KICS2: variants seen among roughly 807,000 people sequenced by gnomAD.
KICS2 encodes the protein KICSTOR subunit 2.
In KICS2, 13 loss-of-function variants were observed where a neutral mutation model predicts 31.4. That is an observed-to-expected ratio of 0.41 (90% CI 0.27 to 0.66). KICS2 has a LOEUF of 0.66. Among genes scored for constraint, KICS2 ranks in the 30% least tolerant of loss-of-function variants. The probability of loss-of-function intolerance (pLI) is 0.28; values close to 1 mark genes in which losing one functional copy is unlikely to be tolerated. For synonymous variants in KICS2, 209 were observed against 214.8 expected (o/e 0.97, Z 0.24); for missense variants, 455 against 545.4 (o/e 0.83, Z 1.65).
In KICS2 at chr12:64,222,039, C is replaced by T. The variant is rs775295898; in HGVS notation, c.199G>A (p.Val67Ile). 1.3e-5 allele frequency: 21 copies of T among 1,613,656 alleles called. No homozygotes were observed. In the Middle Eastern group the frequency reaches 9.9e-4, roughly 76 times the overall value. ...CCCAGGTAGGTGAGGCTGTGATAGA[C>T]CTTCTCGGCCGCGGCCAGGTGCGCC... ...ALAHLAAAEK[V>I]YHSLTYLGQK... The change falls in exon 1 of 3, where the codon GTC becomes ATC. Residue 67 changes from valine (V) to isoleucine (I), a missense_variant. Coordinates refer to ENST00000398055, the MANE Select transcript of KICS2 (RefSeq NM_152440.5).
At chr12:64,219,320 T>C (rs1250109844) in intron 1 of KICS2, among the ~76,000 whole-genome samples, 1 of 152,134 alleles carries the variant, frequency 6.6e-6, no homozygotes, top group Non-Finnish European at 1.5e-5. Context: ...CTTCTAAAAT[T>C]CTCCACAGGC....
At chr12:64,217,727 G>C (rs1288608581) in intron 1 of KICS2, among the ~76,000 whole-genome samples, 1 of 151,974 alleles carries the variant, frequency 6.6e-6, no homozygotes, top group Non-Finnish European at 1.5e-5. Context: ...CTTGAACCAG[G>C]GAGGCAGAGG....
intron 2 of KICS2, among the ~76,000 whole-genome samples, chr12:64,202,993 G>C (rs1164718836): frequency 1.3e-5 from 2 of 151,998 alleles, no homozygotes; most frequent in Non-Finnish European, 2.9e-5. Flanking sequence ...TTCCAGATGA[G>C]GTCACTTTCC....
intron 2 of KICS2, among the ~76,000 whole-genome samples, chr12:64,201,729 G>T (rs1222813167): frequency 6.6e-6 from 1 of 151,300 alleles, no homozygotes; most frequent in South Asian, 2.1e-4. Context: ...TGTAATCCCA[G>T]CTACTCTGGA....
chr12:64,208,073 G>A (rs1309519007), intron 2 of KICS2, among the ~76,000 whole-genome samples: 3 of 152,068 alleles, frequency 2.0e-5, no homozygotes, highest in African/African-American at 7.2e-5. Context: ...GCAGTGGTGC[G>A]ATCTCAGCTC....
chr12:64,214,803 C>G (rs1013354646), intron 2 of KICS2, among the ~76,000 whole-genome samples: 1 of 151,940 alleles, frequency 6.6e-6, no homozygotes, highest in African/African-American at 2.4e-5. Flanking sequence ...ATCACTTGAA[C>G]CCAGGAGATT....
At chr12:64,213,095 A>C (rs1212033047) in intron 2 of KICS2, among the ~76,000 whole-genome samples, 1 of 151,354 alleles carries the variant, frequency 6.6e-6, no homozygotes, top group Non-Finnish European at 1.5e-5. Flanking sequence ...CTCAAAAAAA[A>C]AAAAAAAAAA....
In KICS2 at chr12:64,192,521, T is replaced by C; in HGVS notation, c.*1321A>G. 1.0e-5 allele frequency: 8 copies of C among 799,836 alleles called. No individual in the cohort carries two copies. The highest frequency in any genetic ancestry group is 1.2e-5 in the Non-Finnish European group (8 of 660,774). 49.5% of individuals were successfully genotyped at this position (799,836 alleles called of 1,614,324 possible). The stretch of plus-strand genomic sequence containing the variant: ...CTGGTCTCTGCTGATGTTGCTGGCA[T>C]ACCTGCTGTGGACACCCAGTAAAAC... On this transcript the variant is annotated 3_prime_UTR_variant, in exon 3 of 3. Coordinates refer to ENST00000398055, the MANE Select transcript of KICS2 (RefSeq NM_152440.5).
intron 2 of KICS2, among the ~76,000 whole-genome samples, chr12:64,204,624 C>T (rs1455499891): frequency 1.3e-5 from 2 of 151,982 alleles, no homozygotes; most frequent in Non-Finnish European, 2.9e-5. Context: ...CCTGTCTCTA[C>T]AAAAACTTAA....
chr12:64,221,837 G>C (rs887968658), intron 1 of KICS2, 166 bp downstream of exon 1: 1 of 787,768 alleles, frequency 1.3e-6, no homozygotes. Context: ...GGCGGGGCTT[G>C]TGGAAGCCCA....
chr12:64,212,855 T>C (rs790005), intron 2 of KICS2, among the ~76,000 whole-genome samples: 116,518 of 151,838 alleles, frequency 0.77, 45,016 homozygotes, highest in East Asian at 0.94. Context: ...TTTGGGAGGC[T>C]GAGGTGGGTG....
chr12:64,217,493 A>G (rs1428201576), intron 1 of KICS2, among the ~76,000 whole-genome samples: 2 of 151,860 alleles, frequency 1.3e-5, no homozygotes, highest in Non-Finnish European at 1.5e-5. Flanking sequence ...CGCACAAAAA[A>G]TCTCATATTG....
intron 2 of KICS2, among the ~76,000 whole-genome samples, chr12:64,201,841 G>A (rs926738042): frequency 8.1e-6 from 1 of 122,980 alleles, no homozygotes; most frequent in Non-Finnish European, 1.8e-5. Context: ...GAACAAGACT[G>A]TCTCAAACAA....
intron 1 of KICS2, among the ~76,000 whole-genome samples, chr12:64,220,413 A>T (rs891802855): frequency 6.6e-6 from 1 of 152,188 alleles, no homozygotes; most frequent in Admixed American, 6.5e-5. Flanking sequence ...TTTTAAATGG[A>T]GTCAATAAAT....
At chr12:64,194,701 C>A in intron 2 of KICS2, 43 bp from the exon 3 acceptor site, 1 of 1,533,608 alleles carries the variant, frequency 6.5e-7, no homozygotes. Flanking sequence ...AATGTTACTT[C>A]ACTTGCCACA....
intron 1 of KICS2, among the ~76,000 whole-genome samples, chr12:64,217,214 G>A (rs1456801909): frequency 2.0e-5 from 3 of 152,142 alleles, no homozygotes; most frequent in Non-Finnish European, 4.4e-5. Context: ...TAGCTTCTCA[G>A]GAAATCTTTA....
intron 1 of KICS2, 53 bp from the exon 2 acceptor site, chr12:64,216,016 T>C: frequency 6.5e-7 from 1 of 1,533,048 alleles, no homozygotes; most frequent in Admixed American, 2.0e-5. Flanking sequence ...AAACCGTAAG[T>C]ACCAAACACC....
intron 2 of KICS2, among the ~76,000 whole-genome samples, chr12:64,214,470 AAAG>A (rs2037610087): frequency 6.6e-6 from 1 of 152,238 alleles, no homozygotes; most frequent in South Asian, 2.1e-4. Flanking sequence ...TATAAGAGAG[AAAG>A]AATTGCAAGT....
At chr12:64,197,981 G>T (rs2037456808) in intron 2 of KICS2, among the ~76,000 whole-genome samples, 1 of 134,382 alleles carries the variant, frequency 7.4e-6, no homozygotes, top group Non-Finnish European at 1.5e-5. Context: ...AAGAGACTTA[G>T]ACTCCCACGC....
Sources: allele counts gnomAD v4.1 joint callset (sites outside exome capture counted in the v4.1 genomes callset), GRCh38; gene constraint gnomAD v4.1.1; transcripts MANE v1.5; gene names NCBI Gene and HGNC (gene_info 2026-07-23, HGNC 2026-07-21).